CRTAP: variants seen among roughly 807,000 people sequenced by gnomAD.
CRTAP encodes cartilage-associated protein.
CRTAP carries 33 observed loss-of-function variants against 42.7 expected under a neutral mutation model. That is an observed-to-expected ratio of 0.77 (90% CI 0.59 to 1.03). The LOEUF (loss-of-function observed/expected upper bound fraction) is 1.03. Among genes scored for constraint, CRTAP ranks in the 50% least tolerant of loss-of-function variants. The pLI is 0.00. For synonymous variants in CRTAP, 243 were observed against 217.7 expected (o/e 1.12, Z -1.02); for missense variants, 613 against 533.9 (o/e 1.15, Z -1.46).
At chr3:33,128,914 C>G (rs1310979467) in intron 3 of CRTAP, among the ~76,000 whole-genome samples, 4 of 152,200 alleles carry the variant, frequency 2.6e-5, no homozygotes, top group Non-Finnish European at 5.9e-5. Flanking sequence ...TTACTCTCAA[C>G]ATGTCATTGG....
intron 1 of CRTAP, among the ~76,000 whole-genome samples, chr3:33,115,043 C>G (rs1701327667): frequency 6.6e-6 from 1 of 152,128 alleles, no homozygotes; most frequent in Non-Finnish European, 1.5e-5. Flanking sequence ...TCCTCAGGCT[C>G]AGGTGATCCT....
chr3:33,134,891 G>A (rs1475132376), intron 6 of CRTAP, among the ~76,000 whole-genome samples: 2 of 152,182 alleles, frequency 1.3e-5, no homozygotes, highest in East Asian at 3.8e-4. Context: ...CTCGAAGAGA[G>A]CTGTGAGCTT....
intron 4 of CRTAP, 91 bp downstream of exon 4, chr3:33,130,158 G>C (rs1193565479): frequency 7.5e-7 from 1 of 1,327,864 alleles, no homozygotes; most frequent in East Asian, 2.4e-5. Context: ...CGGTTGTTGA[G>C]AGTTCATCAA....
At chr3:33,127,737 C>T (rs1288340023) in intron 3 of CRTAP, among the ~76,000 whole-genome samples, 9 of 151,048 alleles carry the variant, frequency 6.0e-5, no homozygotes, top group Admixed American at 3.3e-4. Flanking sequence ...CGTGAGCCAC[C>T]GCACCCGGCC....
intron 1 of CRTAP, among the ~76,000 whole-genome samples, chr3:33,117,612 C>T (rs1175857514): frequency 6.6e-6 from 1 of 152,242 alleles, no homozygotes; most frequent in Admixed American, 6.5e-5. Context: ...CACTGACTCA[C>T]AGGCACTGTT....
chr3:33,114,334 G>C lies in CRTAP; in HGVS notation c.257G>C (p.Arg86Pro), dbSNP rs2125595979. Residue 86 changes from arginine to proline, a missense_variant, in exon 1 of 7, where the codon CGC (arginine) becomes CCC (proline). Transcript: ENST00000320954. ...CGCGACAGCGAGGCCTTCTGCCACC[G>C]CAACTGCAGCGCCGCGCCGCAGCCC... is the stretch of plus-strand genomic sequence containing the variant. ...LLRDSEAFCH[R>P]NCSAAPQPEP... is the part of the protein sequence containing the mutation. The C allele has an allele frequency of 6.5e-7, 1 of 1,535,120 alleles. No homozygotes were observed. The highest frequency in any genetic ancestry group is 8.7e-7 in the Non-Finnish European group (1 of 1,148,056).
chr3:33,147,469 T>C lies in CRTAP; in HGVS notation c.*5021T>C, dbSNP rs1469113300. ...TTGCTTGTTGAATGAATGAGTGAGT[T>C]GGCTCTATATCCCCTTGGAGCTGGC... On this transcript the variant is annotated 3_prime_UTR_variant, in exon 7 of 7. Transcript: ENST00000320954. 1 of 152,548 alleles carries C rather than the reference T, an allele frequency of 6.6e-6. No individual in the cohort carries two copies. Among genetic ancestry groups the C allele is most frequent in the East Asian group, 1.9e-4 (1 of 5,206 alleles). 9.4% of individuals were successfully genotyped at this position (152,548 alleles called of 1,614,324 possible).
At chr3:33,123,152 C>G (rs966144935) in intron 2 of CRTAP, among the ~76,000 whole-genome samples, 1 of 152,192 alleles carries the variant, frequency 6.6e-6, no homozygotes, top group African/African-American at 2.4e-5. Context: ...TTTCCACTAT[C>G]TGGCATGTGG....
chr3:33,139,703 C>G (rs1019201667), intron 6 of CRTAP, among the ~76,000 whole-genome samples: 24 of 152,254 alleles, frequency 1.6e-4, no homozygotes, highest in African/African-American at 4.3e-4. Context: ...GTCTCGAACT[C>G]CTGACCTCAG....
At chr3:33,137,264 C>G (rs1171144662) in intron 6 of CRTAP, among the ~76,000 whole-genome samples, 2 of 152,140 alleles carry the variant, frequency 1.3e-5, no homozygotes, top group East Asian at 3.9e-4. Context: ...CTCAGCCATC[C>G]TAGTAGCTGG....
At chr3:33,119,730 G>A (rs891418870) in intron 1 of CRTAP, among the ~76,000 whole-genome samples, 2 of 152,172 alleles carry the variant, frequency 1.3e-5, no homozygotes, top group Non-Finnish European at 2.9e-5. Flanking sequence ...GTTTAAGAAG[G>A]TGGTTATTTA....
chr3:33,127,491 A>G (rs1000286765), intron 3 of CRTAP, among the ~76,000 whole-genome samples: 41 of 152,158 alleles, frequency 2.7e-4, no homozygotes, highest in African/African-American at 8.9e-4. Context: ...CTTGTTGCCC[A>G]GGCTGGAGTG....
At chr3:33,142,278 A>G in intron 6 of CRTAP, 117 bp from the exon 7 acceptor site, 4 of 980,424 alleles carry the variant, frequency 4.1e-6, no homozygotes, top group Middle Eastern at 2.1e-4. Context: ...AGCAGAAAAA[A>G]CCTGTTTCAG....
At chr3:33,114,969 A>G (rs2125596416) in intron 1 of CRTAP, among the ~76,000 whole-genome samples, 1 of 152,278 alleles carries the variant, frequency 6.6e-6, no homozygotes, top group South Asian at 2.1e-4. Flanking sequence ...TTGTTGAGAC[A>G]GGGTCTCACA....
At chr3:33,138,507 C>T (rs928998026) in intron 6 of CRTAP, among the ~76,000 whole-genome samples, 100 of 152,172 alleles carry the variant, frequency 6.6e-4, no homozygotes, top group African/African-American at 2.3e-3. Context: ...AGTATTCAAG[C>T]ATTTTATTCT....
chr3:33,114,623 C>A, intron 1 of CRTAP, 75 bp downstream of exon 1: 1 of 1,390,274 alleles, frequency 7.2e-7, no homozygotes, highest in Non-Finnish European at 9.8e-7. Context: ...CCCGCCCCTG[C>A]GCCCGGGGCC....
chr3:33,132,521 G>A (rs745448109), intron 4 of CRTAP, 34 bp from the exon 5 acceptor site: 51 of 1,613,056 alleles, frequency 3.2e-5, no homozygotes, highest in African/African-American at 2.4e-4. Flanking sequence ...GTGGTTTGCT[G>A]ATTTCTTCAT....
intron 6 of CRTAP, 94 bp from the exon 7 acceptor site, chr3:33,142,301 G>A (rs1017252098): frequency 8.4e-7 from 1 of 1,189,922 alleles, no homozygotes; most frequent in Non-Finnish European, 1.3e-6. Context: ...AAAGCAGACA[G>A]TGGTGATGGC....
In CRTAP at chr3:33,144,553, G is replaced by A. The variant is rs2125608534; in HGVS notation, c.*2105G>A. ...GGCAAGTGACTTCAGTTGAGGGCAAGTCTCTGGAAAAGAGGCTGTAGGCAT... is the reference window on the plus strand; with the variant it reads ...GGCAAGTGACTTCAGTTGAGGGCAAATCTCTGGAAAAGAGGCTGTAGGCAT... On this transcript the variant is annotated 3_prime_UTR_variant, in exon 7 of 7. Transcript: ENST00000320954. The A allele has an allele frequency of 6.6e-6, 1 of 152,454 alleles. No individual in the cohort carries two copies. The highest frequency in any genetic ancestry group is 1.9e-4 in the East Asian group (1 of 5,182). 9.4% of individuals were successfully genotyped at this position (152,454 alleles called of 1,614,324 possible).
Sources: gnomAD v4.1 joint callset for allele counts (sites outside exome capture counted in the v4.1 genomes callset) on GRCh38, gnomAD v4.1.1 for gene constraint, MANE v1.5 for transcripts, NCBI Gene and HGNC (gene_info 2026-07-23, HGNC 2026-07-21) for gene names.